FLACC1: variants seen among roughly 807,000 people sequenced by gnomAD.
The protein encoded by FLACC1 is flagellum associated containing coiled-coil domains 1.
Under a neutral mutation model 62.8 loss-of-function variants are expected in FLACC1, and 66 were observed. The observed-to-expected ratio is 1.05, with a 90% CI of 0.86 to 1.29. The LOEUF (loss-of-function observed/expected upper bound fraction) is 1.29. Among genes scored for constraint, FLACC1 ranks in the 50% most tolerant of loss-of-function variants. The pLI, the probability that FLACC1 is intolerant of heterozygous loss-of-function variation, is 0.00. For synonymous variants in FLACC1, 156 were observed against 161.0 expected, an observed-to-expected ratio of 0.97 and a Z score of 0.24; for missense variants, 452 against 489.1, an observed-to-expected ratio of 0.92 and a Z score of 0.71.
chr2:201,340,633 T>G (rs902659813), intron 7 of FLACC1, among the ~76,000 whole-genome samples: 10 of 152,230 alleles, frequency 6.6e-5, no homozygotes, highest in African/African-American at 2.4e-4. Flanking sequence ...ACTCTCATAT[T>G]GGGATAAAAT....
intron 7 of FLACC1, among the ~76,000 whole-genome samples, chr2:201,332,166 G>A (rs139050199): frequency 2.0e-5 from 3 of 151,860 alleles, no homozygotes; most frequent in Non-Finnish European, 4.4e-5. Context: ...GGGGTAAAAA[G>A]TGATGTTATG....
intron 7 of FLACC1, among the ~76,000 whole-genome samples, chr2:201,336,785 T>C (rs1950704050): frequency 6.6e-6 from 1 of 152,260 alleles, no homozygotes; most frequent in South Asian, 2.1e-4. Context: ...AGAGTTCCCT[T>C]TTCTCCACAT....
chr2:201,344,327 G>C lies in FLACC1; in HGVS notation c.369-64C>G, dbSNP rs528192111. On this transcript the variant is annotated intron_variant, in intron 5 of 14. Coordinates refer to ENST00000392257, the MANE Select transcript of FLACC1 (RefSeq NM_001127391.3). ...ACCATTCCATGCCATTCAGGCCCCT[G>C]AGCATGACTGACTCTGGCATGGTGA... 161 of 1,345,092 alleles carry C rather than the reference G, an allele frequency of 1.2e-4. No individual in the cohort carries two copies. The African/African-American group carries it at 1.8e-3, about 15-fold the overall frequency. The allele number at this position is 1,345,092 out of a possible 1,614,324, so 83.3% of individuals were successfully genotyped here. A position where few individuals can be genotyped will look rare whatever the true frequency, so the allele number is the denominator to read the frequency against.
chr2:201,327,810 T>C (rs1027784808), intron 9 of FLACC1, among the ~76,000 whole-genome samples: 1 of 152,178 alleles, frequency 6.6e-6, no homozygotes, highest in African/African-American at 2.4e-5. Flanking sequence ...CACTACTTGA[T>C]CTCTACCGAA....
chr2:201,351,672 G>C (rs1030319240), intron 1 of FLACC1: 2 of 335,200 alleles, frequency 6.0e-6, no homozygotes, highest in African/African-American at 4.2e-5. Context: ...GGCTGGGCAT[G>C]GTGGCTCACG....
At chr2:201,311,558 T>G (rs1038027127) in intron 9 of FLACC1, among the ~76,000 whole-genome samples, 1 of 151,422 alleles carries the variant, frequency 6.6e-6, no homozygotes, top group Non-Finnish European at 1.5e-5. Context: ...ACAGAAAAAA[T>G]AAAAAATTAG....
In FLACC1 at chr2:201,288,723, A is replaced by T; in HGVS notation, c.1201T>A (p.Ser401Thr). Residue 401 changes from serine to threonine, a missense_variant, in exon 15 of 15, where the codon TCT becomes ACT. Coordinates refer to ENST00000392257, the MANE Select transcript of FLACC1 (RefSeq NM_001127391.3). ...ICEGCSGRLA[S>T]ITVSKDDSDT... ...GAATCATCCTTAGAAACAGTAATAG[A>T]GGCCAATCTCCCAGAACATCCTTCA... 1 of 1,614,054 alleles carries T rather than the reference A, an allele frequency of 6.2e-7. No individual in the cohort carries two copies. The highest frequency in any genetic ancestry group is 1.1e-5 in the South Asian group (1 of 91,086).
intron 9 of FLACC1, 65 bp from the exon 10 acceptor site, chr2:201,309,315 TAA>T: frequency 8.0e-7 from 1 of 1,253,234 alleles, no homozygotes; most frequent in Non-Finnish European, 1.2e-6. Context: ...GGAGAGGCTG[TAA>T]AACTCAACTC....
intron 9 of FLACC1, among the ~76,000 whole-genome samples, chr2:201,319,113 A>G (rs1361095681): frequency 6.6e-6 from 1 of 152,110 alleles, no homozygotes; most frequent in Non-Finnish European, 1.5e-5. Context: ...ATTTAAAAAA[A>G]TATAAGGCTA....
At chr2:201,330,166 A>AAC (rs1394804127) in intron 9 of FLACC1, among the ~76,000 whole-genome samples, 11 of 152,242 alleles carry the variant, frequency 7.2e-5, no homozygotes, top group Admixed American at 2.6e-4. Context: ...TACAAATATT[A>AAC]ACAGGGGTTG....
upstream of FLACC1, among the ~76,000 whole-genome samples, chr2:201,360,438 G>A (rs200489015): frequency 9.9e-5 from 15 of 152,178 alleles, no homozygotes; most frequent in East Asian, 2.9e-3. Context: ...ATGGTCAGCT[G>A]GGAGCATTCG....
intron 7 of FLACC1, among the ~76,000 whole-genome samples, chr2:201,337,790 TG>T (rs1950724480): frequency 6.6e-6 from 1 of 152,248 alleles, no homozygotes; most frequent in African/African-American, 2.4e-5. Flanking sequence ...CCCAAAGTGC[TG>T]GGATTACAGG....
intron 7 of FLACC1, among the ~76,000 whole-genome samples, chr2:201,332,128 T>C (rs999515046): frequency 6.6e-6 from 1 of 152,142 alleles, no homozygotes; most frequent in African/African-American, 2.4e-5. Context: ...TAATTATAAA[T>C]TGATAACTTA....
chr2:201,356,812 AT>A (rs5837768), intron 1 of FLACC1, among the ~76,000 whole-genome samples, 169 bp downstream of exon 1: 64,073 of 151,734 alleles, frequency 0.42, 14,238 homozygotes, highest in South Asian at 0.54. Context: ...GTGTGTAAGG[AT>A]TTTTTCTCCC....
chr2:201,340,812 C>T (rs1950792790), intron 7 of FLACC1, among the ~76,000 whole-genome samples: 1 of 152,176 alleles, frequency 6.6e-6, no homozygotes, highest in African/African-American at 2.4e-5. Context: ...TGGTAATGAA[C>T]TCCCTTAATT....
intron 9 of FLACC1, 140 bp from the exon 10 acceptor site, chr2:201,309,390 C>T: frequency 1.5e-6 from 1 of 664,660 alleles, no homozygotes; most frequent in East Asian, 2.6e-5. Flanking sequence ...TGTGCATCTT[C>T]CCTTACCTGG....
intron 11 of FLACC1, among the ~76,000 whole-genome samples, chr2:201,300,447 C>A (rs1430942808): frequency 1.3e-5 from 2 of 152,180 alleles, no homozygotes; most frequent in Admixed American, 1.3e-4. Context: ...GGGTGGAGCC[C>A]ACCACAGCTC....
intron 9 of FLACC1, among the ~76,000 whole-genome samples, chr2:201,311,709 A>AAC (rs891792485): frequency 2.0e-5 from 3 of 151,818 alleles, no homozygotes; most frequent in African/African-American, 7.3e-5. Context: ...TCAAAAAAAA[A>AAC]AAAAAAAAAG....
chr2:201,313,795 C>T (rs1031956199), intron 9 of FLACC1, among the ~76,000 whole-genome samples: 2 of 152,184 alleles, frequency 1.3e-5, no homozygotes, highest in Admixed American at 1.3e-4. Context: ...ACTAAGGACC[C>T]TCACAGAGTC....
Sources: gnomAD v4.1 joint callset for allele counts (sites outside exome capture counted in the v4.1 genomes callset) on GRCh38, gnomAD v4.1.1 for gene constraint, MANE v1.5 for transcripts, NCBI Gene and HGNC (gene_info 2026-07-23, HGNC 2026-07-21) for gene names.